GALNTL6: variants seen among roughly 807,000 people sequenced by gnomAD.
GALNTL6 encodes the protein polypeptide N-acetylgalactosaminyltransferase like 6.
Under a neutral mutation model 73.7 loss-of-function variants are expected in GALNTL6, and 46 were observed. The observed-to-expected ratio is 0.62, with a 90% CI of 0.49 to 0.80. The LOEUF (loss-of-function observed/expected upper bound fraction) is 0.80. GALNTL6 is among the 30% of genes least tolerant of loss of function. The pLI is 0.00. For synonymous variants in GALNTL6, 259 were observed against 263.7 expected (o/e 0.98, Z 0.17); for missense variants, 604 against 755.0 (o/e 0.80, Z 2.34).
chr4:172,706,329 G>A (rs532861149), intron 5 of GALNTL6, among the ~76,000 whole-genome samples: 5 of 152,006 alleles, frequency 3.3e-5, no homozygotes, highest in Admixed American at 6.5e-5. Context: ...CAAAATCTTT[G>A]TTAAATTTCT....
chr4:172,619,162 T>C (rs1360563442), intron 5 of GALNTL6, among the ~76,000 whole-genome samples: 1 of 152,108 alleles, frequency 6.6e-6, no homozygotes, highest in African/African-American at 2.4e-5. Context: ...GAGGTAGACA[T>C]AAATTGGGGC....
chr4:172,485,503 C>T (rs1338482323), intron 5 of GALNTL6, among the ~76,000 whole-genome samples: 3 of 151,938 alleles, frequency 2.0e-5, no homozygotes, highest in South Asian at 2.1e-4. Flanking sequence ...CGCAATGTAA[C>T]GCATATTTTA....
At chr4:172,108,981 C>CCAGCCTGG (rs1414036054) in intron 2 of GALNTL6, among the ~76,000 whole-genome samples, 5 of 140,906 alleles carry the variant, frequency 3.5e-5, no homozygotes. Flanking sequence ...CCACTGCACT[C>CCAGCCTGG]CAGCCTGGGT....
At chr4:172,469,776 A>C (rs1245625170) in intron 5 of GALNTL6, among the ~76,000 whole-genome samples, 1 of 152,212 alleles carries the variant, frequency 6.6e-6, no homozygotes. Flanking sequence ...ATTGCTTTTC[A>C]CGTTATTTTA....
intron 5 of GALNTL6, among the ~76,000 whole-genome samples, chr4:172,741,859 T>G (rs1234267181): frequency 6.6e-6 from 1 of 152,084 alleles, no homozygotes; most frequent in East Asian, 1.9e-4. Context: ...TGTATCCAAC[T>G]CTGAGAAATG....
At chr4:172,781,485 A>T (rs1025352607) in intron 5 of GALNTL6, among the ~76,000 whole-genome samples, 7 of 152,166 alleles carry the variant, frequency 4.6e-5, no homozygotes, top group Admixed American at 1.3e-4. Flanking sequence ...TTTCAAAAAA[A>T]TTTTTAGATA....
chr4:172,300,738 A>T (rs1022798238), intron 3 of GALNTL6, among the ~76,000 whole-genome samples: 1 of 151,986 alleles, frequency 6.6e-6, no homozygotes, highest in Non-Finnish European at 1.5e-5. Flanking sequence ...CCGAGATATC[A>T]GCTGTTAGTC....
intron 5 of GALNTL6, among the ~76,000 whole-genome samples, chr4:172,527,369 C>T (rs907108892): frequency 6.6e-6 from 1 of 152,104 alleles, no homozygotes; most frequent in African/African-American, 2.4e-5. Context: ...AACATATTGA[C>T]CAGTTTGTTT....
chr4:171,934,786 A>G (rs1418283133), intron 2 of GALNTL6, among the ~76,000 whole-genome samples: 1 of 152,190 alleles, frequency 6.6e-6, no homozygotes, highest in Non-Finnish European at 1.5e-5. Context: ...AAAGGCTAGA[A>G]TACTACAGTT....
At chr4:173,012,405 G>C (rs886102968) in intron 11 of GALNTL6, among the ~76,000 whole-genome samples, 1 of 152,148 alleles carries the variant, frequency 6.6e-6, no homozygotes, top group African/African-American at 2.4e-5. Flanking sequence ...GAGGAAAACA[G>C]CCACAGAACA....
chr4:172,090,875 A>C (rs980240404), intron 2 of GALNTL6, among the ~76,000 whole-genome samples: 12 of 152,130 alleles, frequency 7.9e-5, no homozygotes, highest in African/African-American at 2.9e-4. Flanking sequence ...TTTTGTATAA[A>C]GTGTAACGAA....
At chr4:172,895,399 TATA>T (rs374700106) in intron 8 of GALNTL6, among the ~76,000 whole-genome samples, 44 of 139,692 alleles carry the variant, frequency 3.1e-4, no homozygotes, top group Middle Eastern at 3.6e-3. Flanking sequence ...TATATATATA[TATA>T]TTTTTTTTTT....
intron 2 of GALNTL6, among the ~76,000 whole-genome samples, chr4:171,910,355 C>T (rs1219302896): frequency 6.6e-6 from 1 of 151,864 alleles, no homozygotes; most frequent in Non-Finnish European, 1.5e-5. Context: ...AAAGTAGAAT[C>T]AGGCAAACAG....
Position 172,308,003 on chromosome 4 carries a change from C to CTT in GALNTL6, c.248-3582_248-3581dup, listed in dbSNP as rs70941399. ...TCCATGAGCATGGGATGTGTTTTAA[C>CTT]TTTTTTTTTTTTTTTTTTTTTTTTT... On this transcript the variant is annotated intron_variant, in intron 3 of 12. Transcript: ENST00000506823. Among the ~76,000 whole-genome samples the CTT allele has an allele frequency of 7.8e-3, 269 of 34,586 alleles. 16 individuals are homozygous for CTT. Among genetic ancestry groups the CTT allele is most frequent in the African/African-American group, 0.026 (257 of 9,712 alleles). The allele number at this position is 34,586 out of a possible 152,430, so 22.7% of individuals were successfully genotyped here.
chr4:172,206,781 TG>T (rs1286830489), intron 2 of GALNTL6, among the ~76,000 whole-genome samples: 21,902 of 107,900 alleles, frequency 0.2, 6,264 homozygotes, highest in East Asian at 0.5. Context: ...ACGTGTTTTT[TG>T]TTTTGTTTTG....
chr4:172,759,981 C>A (rs35840216), intron 5 of GALNTL6, among the ~76,000 whole-genome samples: 1 of 149,978 alleles, frequency 6.7e-6, no homozygotes, highest in Non-Finnish European at 1.5e-5. Context: ...GGACTACAGG[C>A]GCCCGCCACC....
At chr4:172,719,244 A>G (rs1403326859) in intron 5 of GALNTL6, among the ~76,000 whole-genome samples, 10 of 152,176 alleles carry the variant, frequency 6.6e-5, no homozygotes, top group African/African-American at 2.4e-4. Flanking sequence ...TCTCAGAAAC[A>G]AGCATGAATT....
chr4:172,762,910 A>T (rs1485734816), intron 5 of GALNTL6, among the ~76,000 whole-genome samples: 2 of 43,210 alleles, frequency 4.6e-5, no homozygotes, highest in East Asian at 3.2e-4. Context: ...TTTAAAAAAC[A>T]TTAGAAAAGC....
intron 2 of GALNTL6, among the ~76,000 whole-genome samples, chr4:171,919,131 A>G (rs1737711209): frequency 6.6e-6 from 1 of 152,118 alleles, no homozygotes; most frequent in African/African-American, 2.4e-5. Flanking sequence ...TAAGATGGCA[A>G]ATATCATGTT....
Sources: gnomAD v4.1 joint callset for allele counts (sites outside exome capture counted in the v4.1 genomes callset) on GRCh38, gnomAD v4.1.1 for gene constraint, MANE v1.5 for transcripts, NCBI Gene and HGNC (gene_info 2026-07-23, HGNC 2026-07-21) for gene names.